NRG1: variants seen among roughly 807,000 people sequenced by gnomAD.
NRG1 encodes the protein pro-neuregulin-1, membrane-bound isoform.
In NRG1, 18 loss-of-function variants were observed where a neutral mutation model predicts 63.8. The ratio of observed to expected loss-of-function variants is 0.28; its 90% CI spans 0.19 to 0.42. The LOEUF (loss-of-function observed/expected upper bound fraction) is 0.42. NRG1 is among the 10% of genes least tolerant of loss of function. The pLI is 1.00. For missense variants in NRG1, 762 were observed against 814.7 expected, an observed-to-expected ratio of 0.94 and a Z score of 0.79; for synonymous variants, 302 against 301.3, an observed-to-expected ratio of 1.00 and a Z score of -0.02.
At position 31,640,643 on chromosome 8, in the gene NRG1, C is replaced by G. The variant is rs1803665054; in HGVS notation, c.37+1212C>G. On this transcript the variant is annotated intron_variant, in intron 1 of 10. Transcript: ENST00000519301. The surrounding 1 kb of genome is among the most constrained non-coding windows in gnomAD (Gnocchi z 6.3). Reference sequence around the variant, plus strand: ...GACGCCAACAGCACCAGCCGCGCGCCGGCCGCCTTCCGAGCCTCTTTCCCC... The same window carrying G: ...GACGCCAACAGCACCAGCCGCGCGCGGGCCGCCTTCCGAGCCTCTTTCCCC... The G allele has an allele frequency of 1.9e-6, 3 of 1,608,854 alleles. No homozygotes were observed. Among genetic ancestry groups the G allele is most frequent in the Non-Finnish European group, 1.7e-6 (2 of 1,178,570 alleles).
chr8:32,145,860 T>G (rs576539300), intron 1 of NRG1, among the ~76,000 whole-genome samples: 26 of 152,288 alleles, frequency 1.7e-4, no homozygotes, highest in African/African-American at 5.3e-4. Context: ...AAAGTGGGAG[T>G]GTAACCACTG....
intron 1 of NRG1, among the ~76,000 whole-genome samples, chr8:31,768,569 T>C (rs757110472): frequency 3.9e-5 from 6 of 152,208 alleles, no homozygotes; most frequent in Non-Finnish European, 7.3e-5. Context: ...TATCTGCTGG[T>C]ACTCAGTTCT....
intron 1 of NRG1, among the ~76,000 whole-genome samples, chr8:31,947,590 C>T (rs982882914): frequency 6.6e-6 from 1 of 152,086 alleles, no homozygotes; most frequent in Non-Finnish European, 1.5e-5. Flanking sequence ...ATTATGCAAA[C>T]ACACACCTTC....
At position 31,875,949 on chromosome 8, in the gene NRG1, A is replaced by T. The variant is rs148690269; in HGVS notation, c.37+236518A>T. On this transcript the variant is annotated intron_variant, in intron 1 of 10. Coordinates refer to the NRG1 transcript ENST00000519301. ...AGACACCTAGGTTTGTGTTCTGGGA[A>T]TCTGTCTCCTACTCATGATAGCAGG... Among the ~76,000 whole-genome samples, 3 of 152,248 alleles carry T rather than the reference A, an allele frequency of 2.0e-5. No homozygotes were observed. The East Asian group carries it at 5.8e-4, about 30-fold the overall frequency.
At chr8:31,728,815 A>G (rs1376446571) in intron 1 of NRG1, among the ~76,000 whole-genome samples, 1 of 152,188 alleles carries the variant, frequency 6.6e-6, no homozygotes, top group Non-Finnish European at 1.5e-5. Flanking sequence ...TGTTTATGAT[A>G]CTATTTCATA....
rs190535697 is a variant in NRG1, at chr8:32,562,408, C to T, written c.100+13582C>T. On this transcript the variant is annotated intron_variant, in intron 1 of 11. Transcript: ENST00000356819. ...GACTACAGGCATATACCACCATGCT[C>T]GGTTATTTTTTTTTTAATTTTGTAG... Among the ~76,000 whole-genome samples, 545 of 152,028 alleles carry T rather than the reference C, an allele frequency of 3.6e-3. 4 individuals carry two copies. Among genetic ancestry groups the T allele is most frequent in the African/African-American group, 0.013 (523 of 41,464 alleles).
chr8:32,648,322 C>A (rs746430642), intron 5 of NRG1: 1 of 1,614,088 alleles, frequency 6.2e-7, no homozygotes, highest in Non-Finnish European at 8.5e-7. Context: ...GAGGTGAGAA[C>A]GCCCAAGTCA....
intron 1 of NRG1, among the ~76,000 whole-genome samples, chr8:32,393,750 A>C (rs1215182834): frequency 6.6e-6 from 1 of 152,126 alleles, no homozygotes; most frequent in Non-Finnish European, 1.5e-5. Flanking sequence ...GGGTGGGAGG[A>C]GGGAGAGGAT....
chr8:32,449,369 T>G (rs1040917575), intron 1 of NRG1, among the ~76,000 whole-genome samples: 1 of 150,928 alleles, frequency 6.6e-6, no homozygotes, highest in African/African-American at 2.4e-5. Flanking sequence ...TTGATAGAAC[T>G]GAAGTACATC....
intron 1 of NRG1, among the ~76,000 whole-genome samples, chr8:32,166,884 A>G (rs1450231271): frequency 6.6e-6 from 1 of 152,218 alleles, no homozygotes; most frequent in Non-Finnish European, 1.5e-5. Flanking sequence ...TGGAATAACC[A>G]AAAGAACAAT....
At chr8:32,034,571 C>G (rs1279840986) in intron 1 of NRG1, among the ~76,000 whole-genome samples, 1 of 152,190 alleles carries the variant, frequency 6.6e-6, no homozygotes, top group Admixed American at 6.5e-5. Context: ...GTAGACCAGT[C>G]TATTCCTGGG....
At chr8:32,038,063 G>T (rs1380100798) in intron 1 of NRG1, among the ~76,000 whole-genome samples, 9 of 152,224 alleles carry the variant, frequency 5.9e-5, no homozygotes, top group Admixed American at 5.9e-4. Flanking sequence ...TGCCCAAGTG[G>T]TCGCCCACCT....
At chr8:32,062,916 TA>T (rs1009253635) in intron 1 of NRG1, among the ~76,000 whole-genome samples, 4 of 151,942 alleles carry the variant, frequency 2.6e-5, no homozygotes, top group African/African-American at 4.8e-5. Context: ...AGGTTGAGAT[TA>T]AAAAAAACTT....
chr8:32,711,797 G>A (rs1202231174), intron 5 of NRG1, among the ~76,000 whole-genome samples: 2 of 152,098 alleles, frequency 1.3e-5, no homozygotes, highest in Non-Finnish European at 2.9e-5. Context: ...GTAGTTGTGA[G>A]CACATTTAAA....
intron 1 of NRG1, among the ~76,000 whole-genome samples, chr8:31,824,429 AAAATAAACATACTG>A (rs1221134162): frequency 1.3e-5 from 2 of 152,170 alleles, no homozygotes. Flanking sequence ...CTTGTCAGGC[AAAATAAACATACTG>A]AAAATAGCTT....
chr8:32,599,357 T>C (rs976271755), intron 2 of NRG1, among the ~76,000 whole-genome samples: 1 of 152,186 alleles, frequency 6.6e-6, no homozygotes, highest in African/African-American at 2.4e-5. Context: ...CAATCCTTAG[T>C]CTTGGCTTCT....
At chr8:32,672,499 C>T (rs1364967739) in intron 5 of NRG1, among the ~76,000 whole-genome samples, 1 of 152,036 alleles carries the variant, frequency 6.6e-6, no homozygotes, top group African/African-American at 2.4e-5. Context: ...CAGATTAATC[C>T]ACATTTATGT....
chr8:32,525,566 C>T (rs1830752726), intron 1 of NRG1, among the ~76,000 whole-genome samples: 1 of 152,090 alleles, frequency 6.6e-6, no homozygotes, highest in Admixed American at 6.6e-5. Context: ...CGTCTCTCAG[C>T]CTGCATCCCC....
intron 1 of NRG1, among the ~76,000 whole-genome samples, chr8:32,176,902 C>T (rs1274209475): frequency 3.3e-5 from 5 of 151,932 alleles, no homozygotes; most frequent in African/African-American, 7.3e-5. Context: ...AGTTCAACCA[C>T]TGTGGAAGTC....
Sources: gnomAD v4.1 joint callset for allele counts (sites outside exome capture counted in the v4.1 genomes callset) on GRCh38, gnomAD v4.1.1 for gene constraint, Gnocchi (gnomAD v3.1) non-coding constraint, MANE v1.5 for transcripts, NCBI Gene and HGNC (gene_info 2026-07-23, HGNC 2026-07-21) for gene names.